The following DDX54 variants were observed in gnomAD, a reference collection of about 807,000 sequenced individuals.
DDX54 encodes the protein DEAD-box helicase 54.
A neutral mutation model predicts 105.5 loss-of-function variants in DDX54; 67 were observed. The ratio of observed to expected loss-of-function variants is 0.64; its 90% CI spans 0.52 to 0.78. DDX54 has a LOEUF of 0.78. Ranked by LOEUF, DDX54 falls within the 30% of genes least tolerant of loss-of-function variation. The pLI, the probability that DDX54 is intolerant of heterozygous loss-of-function variation, is 0.00. For missense variants in DDX54, 1,206 were observed against 1,230.5 expected (o/e 0.98, Z 0.30); for synonymous variants, 514 against 509.9 (o/e 1.01, Z -0.11).
chr12:113,158,206 A>G lies in DDX54; in HGVS notation c.*671T>C, dbSNP rs1952158480. 1 of 156,268 alleles carries G rather than the reference A, an allele frequency of 6.4e-6. No individual in the cohort carries two copies. Among genetic ancestry groups the G allele is most frequent in the Admixed American group, 6.2e-5 (1 of 16,180 alleles). The allele number at this position is 156,268 out of a possible 1,614,324, so 9.7% of individuals were successfully genotyped here. Reference sequence around the variant, plus strand: ...GTGGAGGGGCCGCGTTAACCTCTTCATAGCCAGAGGGGAGCAGCTGTGTCC... The same window carrying G: ...GTGGAGGGGCCGCGTTAACCTCTTCGTAGCCAGAGGGGAGCAGCTGTGTCC... On this transcript the variant is annotated 3_prime_UTR_variant, in exon 20 of 20. Coordinates refer to ENST00000306014, the MANE Select transcript of DDX54 (RefSeq NM_024072.4). This position sits in a 1 kb window ranked among gnomAD's most constrained non-coding sequence, Gnocchi z 4.9.
Position 113,179,871 on chromosome 12 carries a change from G to A in DDX54, c.375+64C>T, listed in dbSNP as rs1014725848. On this transcript the variant is annotated intron_variant, in intron 3 of 19. Transcript: ENST00000306014. ...GTGGGACAAGGGGTGGCTGTCAAGG[G>A]GCCAGAGAGGAGGGCCATGTCACTC... The A allele has an allele frequency of 8.2e-6, 13 of 1,578,456 alleles. No individual in the cohort carries two copies. The African/African-American group carries it at 1.5e-4, about 18-fold the overall frequency.
rs201622713 is a variant in DDX54, at chr12:113,172,511, G to A, written c.1121C>T (p.Pro374Leu). Residue 374 changes from proline to leucine, a missense_variant, in exon 11 of 20, where the codon CCG becomes CTG. Pro to Leu is a moderately conservative substitution (Grantham distance 98). This residue lies in a region of DDX54 where 961 missense variants were observed against 1,019.1 expected (regional missense o/e 0.94). Transcript: ENST00000306014. ...GGCGAGATTGATCTTGCGGGCTGTC[G>A]GGTCTAGGGCACTGTAGATGTGGGC... ...SCAHIYSALD[P>L]TARKINLAKF... The A allele has an allele frequency of 2.2e-5, 35 of 1,614,242 alleles. No individual in the cohort carries two copies. Among genetic ancestry groups the A allele is most frequent in the South Asian group, 3.3e-5 (3 of 91,086 alleles).
rs569471197 is a variant in DDX54, at chr12:113,174,708, C to T, written c.1000G>A (p.Val334Met). 9.9e-6 allele frequency: 16 copies of T among 1,609,318 alleles called. No individual in the cohort carries two copies. Among genetic ancestry groups the T allele is most frequent in the Non-Finnish European group, 1.3e-5 (15 of 1,176,090 alleles). ...ACGGTCTGGTCCTGGGGCCGCACCA[C>T]GTTGTGCAGCAGGTGGAGCAGCACG... ...AAVLLHLLHN[V>M]VRPQDQTVVF... Residue 334 changes from valine to methionine, a missense_variant, in exon 10 of 20, where the codon GTG (valine) becomes ATG (methionine). Val to Met is a conservative substitution (Grantham distance 21, BLOSUM62 1). Around this residue, in one of 3 missense-constraint regions of DDX54, gnomAD observed 961 missense variants for 1,019.1 expected, o/e 0.94. Coordinates refer to ENST00000306014, the MANE Select transcript of DDX54 (RefSeq NM_024072.4).
chr12:113,185,279 T>A lies in DDX54; in HGVS notation c.173A>T (p.Lys58Met), dbSNP rs1159526940. The A allele has an allele frequency of 6.4e-7, 1 of 1,563,518 alleles. No individual in the cohort carries two copies. The highest frequency in any genetic ancestry group is 8.6e-7 in the Non-Finnish European group (1 of 1,157,322). ...TGCGTCCCAGCCCCACGCGCCTACC[T>A]TCCGGGCCCGGGCGTCATCTTCCGC... ...IQAEDDARAR[K>M]LGPGRPLPTF... The change falls in exon 1 of 20, where the codon AAG (lysine) becomes ATG (methionine). Residue 58 changes from lysine to methionine, a missense_variant and splice_region_variant. Physicochemically the swap from Lys to Met is moderately conservative, Grantham distance 95. Transcript: ENST00000306014.
Position 113,157,730 on chromosome 12 carries a change from T to C in DDX54, c.*1147A>G. 7.0e-7 allele frequency: 1 copy of C among 1,418,542 alleles called. No homozygotes were observed. The allele number at this position is 1,418,542 out of a possible 1,614,324, so 87.9% of individuals were successfully genotyped here. A position where few individuals can be genotyped will look rare whatever the true frequency, so the allele number is the denominator to read the frequency against. On this transcript the variant is annotated 3_prime_UTR_variant, in exon 20 of 20. Coordinates refer to ENST00000306014, the MANE Select transcript of DDX54 (RefSeq NM_024072.4). ...AGGGAACCCCTGAGAGACCCTGAGA[T>C]AGGAGGGCCCACATTTCCAATGGGG... is the stretch of plus-strand genomic sequence containing the variant.
chr12:113,173,423 G>A (rs569112839), intron 10 of DDX54, among the ~76,000 whole-genome samples: 1 of 152,178 alleles, frequency 6.6e-6, no homozygotes, highest in East Asian at 1.9e-4. Context: ...GCTGCACAGA[G>A]GGAGTGTTGT....
intron 10 of DDX54, among the ~76,000 whole-genome samples, 161 bp downstream of exon 10, chr12:113,174,479 T>G (rs1219682271): frequency 6.6e-6 from 1 of 152,100 alleles, no homozygotes; most frequent in Non-Finnish European, 1.5e-5. Context: ...AGAGCGAGGC[T>G]CCGTCTCAAA....
At chr12:113,165,497 C>CCCTGCTGGGGT (rs1185473011) in intron 14 of DDX54, 147 bp downstream of exon 14, 1 of 814,100 alleles carries the variant, frequency 1.2e-6, no homozygotes, top group Non-Finnish European at 1.8e-6. Flanking sequence ...AGATGAAAAT[C>CCCTGCTGGGGT]CCTGCTGGGG....
chr12:113,163,998 T>C lies in DDX54; in HGVS notation c.1938+69A>G, dbSNP rs895175845. 9.4e-6 allele frequency: 14 copies of C among 1,484,106 alleles called. No individual in the cohort carries two copies. Among genetic ancestry groups the C allele is most frequent in the Middle Eastern group, 2.0e-4 (1 of 5,002 alleles). 91.9% of individuals were successfully genotyped at this position (1,484,106 alleles called of 1,614,324 possible). ...GCTCAAAGATCCTAGGACAGCCTCA[T>C]GGGCTGCTGGGACTTAGCCACCCCT... On this transcript the variant is annotated intron_variant, in intron 15 of 19. Transcript: ENST00000306014. The surrounding 1 kb of genome is among the most constrained non-coding windows in gnomAD (Gnocchi z 5.9).
chr12:113,165,632 G>A lies in DDX54; in HGVS notation c.1719+12C>T, dbSNP rs139034427. ...AGGACTCAGAGCGTGGTCTCCACCC[G>A]GCCCCACTCACCGCCCGGGAGCGGT... On this transcript the variant is annotated intron_variant, in intron 14 of 19. Transcript: ENST00000306014. 1.3e-3 allele frequency: 2,039 copies of A among 1,596,828 alleles called. 25 individuals carry two copies. In the African/African-American group the frequency reaches 0.024, roughly 19 times the overall value.
intron 17 of DDX54, among the ~76,000 whole-genome samples, chr12:113,162,251 G>A (rs1405528732): frequency 6.6e-6 from 1 of 152,170 alleles, no homozygotes; most frequent in Non-Finnish European, 1.5e-5. Context: ...CTGGGGCCTG[G>A]CTCAGGGACA....
Position 113,165,795 on chromosome 12 carries a change from G to T in DDX54, c.1645+7C>A. On this transcript the variant is annotated splice_region_variant and intron_variant, in intron 13 of 19. Transcript: ENST00000306014. ...CCTGCCACCCCCTGCCTTGTAGAAG[G>T]ACTCACTGAAGAGGGGGTGCAGGCC... 2 of 1,601,636 alleles carry T rather than the reference G, an allele frequency of 1.2e-6. No homozygotes were observed. The highest frequency in any genetic ancestry group is 1.3e-5 in the African/African-American group (1 of 74,928).
chr12:113,181,261 C>T (rs1031918752), intron 1 of DDX54, among the ~76,000 whole-genome samples: 1 of 151,310 alleles, frequency 6.6e-6, no homozygotes, highest in East Asian at 1.9e-4. Flanking sequence ...TAGACTGTCT[C>T]GGTTTGAATC....
Position 113,169,833 on chromosome 12 carries a change from G to A in DDX54, c.1351C>T (p.Leu451=). The A allele has an allele frequency of 6.2e-7, 1 of 1,614,136 alleles. No individual in the cohort carries two copies. Residue 451 remains leucine (L), a synonymous_variant, in exon 12 of 20, where the codon CTG becomes TTG. Transcript: ENST00000306014. ...LVAPDEIPYL[L]DLHLFLGRSL... ...CGGCCCAGGAACAGGTGCAGATCCA[G>A]CAGGTAGGGGATTTCATCAGGGGCC... is the stretch of plus-strand genomic sequence containing the variant.
intron 12 of DDX54, among the ~76,000 whole-genome samples, chr12:113,168,697 G>C (rs941309421): frequency 2.0e-5 from 3 of 152,182 alleles, no homozygotes; most frequent in African/African-American, 7.2e-5. Flanking sequence ...TTGGGAGGCC[G>C]AGGCGGGCAG....
rs1212245679 is a variant in DDX54, at chr12:113,174,495, A to AAAAAAT, written c.1068+139_1068+144dup. 1.9e-5 allele frequency: 24 copies of AAAAAAT among 1,271,576 alleles called. No individual in the cohort carries two copies. The African/African-American group carries it at 2.1e-4, about 11-fold the overall frequency. 78.8% of individuals were successfully genotyped at this position (1,271,576 alleles called of 1,614,324 possible). Reference sequence around the variant, plus strand: ...GAGCGAGGCTCCGTCTCAAAAAAATAAAAAATAAAAATAAAAATGACCATC... The same window carrying AAAAAAT: ...GAGCGAGGCTCCGTCTCAAAAAAATAAAAAATAAAAATAAAAATAAAAATGACCATC... On this transcript the variant is annotated intron_variant, in intron 10 of 19. Coordinates refer to ENST00000306014, the MANE Select transcript of DDX54 (RefSeq NM_024072.4).
chr12:113,184,991 CG>C (rs1566102922), intron 1 of DDX54, among the ~76,000 whole-genome samples: 2 of 152,182 alleles, frequency 1.3e-5, no homozygotes, highest in Non-Finnish European at 2.9e-5. Flanking sequence ...AGCCAGGATC[CG>C]CCCCACGAGC....
At position 113,158,806 on chromosome 12, in the gene DDX54, T is replaced by G; in HGVS notation, c.*71A>C. 6.8e-7 allele frequency: 1 copy of G among 1,471,630 alleles called. No homozygotes were observed. Among genetic ancestry groups the G allele is most frequent in the South Asian group, 1.4e-5 (1 of 74,060 alleles). The allele number at this position is 1,471,630 out of a possible 1,614,324, so 91.2% of individuals were successfully genotyped here. A position where few individuals can be genotyped will look rare whatever the true frequency, so the allele number is the denominator to read the frequency against. On this transcript the variant is annotated 3_prime_UTR_variant, in exon 20 of 20. Transcript: ENST00000306014. This position sits in a 1 kb window ranked among gnomAD's most constrained non-coding sequence, Gnocchi z 4.9. ...GCCCAGCACAGGGCCAGGCACACAG[T>G]GGTGCACGGGAACGTCTGCTGATGC...
At chr12:113,179,438 G>A in intron 3 of DDX54, 107 bp from the exon 4 acceptor site, 1 of 1,267,952 alleles carries the variant, frequency 7.9e-7, no homozygotes, top group Non-Finnish European at 1.1e-6. Flanking sequence ...CTCAGTGAAT[G>A]GGCAGGCACC....
Sources: gnomAD v4.1 joint callset for allele counts (sites outside exome capture counted in the v4.1 genomes callset) on GRCh38, gnomAD v4.1.1 for gene constraint, gnomAD v4.1.1 regional missense constraint, Gnocchi (gnomAD v3.1) non-coding constraint, MANE v1.5 for transcripts, NCBI Gene and HGNC (gene_info 2026-07-23, HGNC 2026-07-21) for gene names.